AUTS2: variants seen among roughly 807,000 people sequenced by gnomAD.
AUTS2 encodes activator of transcription and developmental regulator AUTS2, also known as autism susceptibility gene 2 protein.
A neutral mutation model predicts 112.4 loss-of-function variants in AUTS2; 17 were observed. The ratio of observed to expected loss-of-function variants is 0.15; its 90% CI spans 0.10 to 0.23. The LOEUF (loss-of-function observed/expected upper bound fraction) is 0.23. Among genes scored for constraint, AUTS2 ranks in the 10% least tolerant of loss-of-function variants. The probability of loss-of-function intolerance (pLI) is 1.00; values close to 1 mark genes in which losing one functional copy is unlikely to be tolerated. For missense variants in AUTS2, 1,510 were observed against 1,701.6 expected (o/e 0.89, Z 1.98); for synonymous variants, 751 against 702.7 (o/e 1.07, Z -1.09).
chr7:70,372,993 G>A (rs1792910311), intron 4 of AUTS2, among the ~76,000 whole-genome samples: 1 of 152,146 alleles, frequency 6.6e-6, no homozygotes, highest in African/African-American at 2.4e-5. Context: ...TCACACCAGA[G>A]CAACCAGCTC....
At chr7:70,129,262 G>C (rs1015813767) in intron 3 of AUTS2, among the ~76,000 whole-genome samples, 2 of 152,172 alleles carry the variant, frequency 1.3e-5, no homozygotes, top group Non-Finnish European at 2.9e-5. Context: ...GCACAATAAA[G>C]AACTGATGTC....
chr7:69,780,678 A>G lies in AUTS2; in HGVS notation c.310-118608A>G, dbSNP rs958838711. Among the ~76,000 whole-genome samples, 12 of 152,326 alleles carry G rather than the reference A, an allele frequency of 7.9e-5. No homozygotes were observed. The South Asian group carries it at 2.3e-3, about 29-fold the overall frequency. On this transcript the variant is annotated intron_variant, in intron 1 of 18. Coordinates refer to ENST00000342771, the MANE Select transcript of AUTS2 (RefSeq NM_015570.4). ...ACAGGAACCTGAAAGGATGGTCTGT[A>G]TTAGAGTGTGGTGGTAGATAGAAGC...
In AUTS2 at chr7:70,421,507, A is replaced by T. The variant is rs1156992363; in HGVS notation, c.661-14245A>T. Among the ~76,000 whole-genome samples, 3 of 152,204 alleles carry T rather than the reference A, an allele frequency of 2.0e-5. No homozygotes were observed. The East Asian group carries it at 5.8e-4, about 29-fold the overall frequency. On this transcript the variant is annotated intron_variant, in intron 4 of 18. Coordinates refer to ENST00000342771, the MANE Select transcript of AUTS2 (RefSeq NM_015570.4). Reference sequence around the variant, plus strand: ...CCATGCAGCTCTGATTGCCTCTGTCACAGGGGTGTTGTGACTGAAGGCCAG... The same window carrying T: ...CCATGCAGCTCTGATTGCCTCTGTCTCAGGGGTGTTGTGACTGAAGGCCAG...
At position 70,242,285 on chromosome 7, in the gene AUTS2, G is replaced by A. The variant is rs890617839; in HGVS notation, c.660+107714G>A. 3.9e-5 allele frequency among the ~76,000 whole-genome samples: 6 copies of A among 152,104 alleles called. No homozygotes were observed. The East Asian group carries it at 5.8e-4, about 15-fold the overall frequency. On this transcript the variant is annotated intron_variant, in intron 4 of 18. Coordinates refer to ENST00000342771, the MANE Select transcript of AUTS2 (RefSeq NM_015570.4). ...ATCCCAAACCCCCAAAACAGGATTC[G>A]GATAAGTGACCATCCAGCCTGCACC... is the stretch of plus-strand genomic sequence containing the variant.
At chr7:70,659,572 A>C (rs553056775) in intron 5 of AUTS2, among the ~76,000 whole-genome samples, 2 of 152,096 alleles carry the variant, frequency 1.3e-5, no homozygotes. Context: ...CATTACACCT[A>C]TCTCCTAGAG....
intron 2 of AUTS2, among the ~76,000 whole-genome samples, chr7:69,995,139 A>G (rs1056207443): frequency 2.6e-5 from 4 of 152,150 alleles, no homozygotes; most frequent in East Asian, 3.9e-4. Context: ...GATGGATCAC[A>G]TGTTTTTTTC....
chr7:70,144,264 C>T (rs1430743429), intron 4 of AUTS2, among the ~76,000 whole-genome samples: 5 of 151,952 alleles, frequency 3.3e-5, no homozygotes, highest in South Asian at 4.2e-4. Context: ...GAAATTCAGG[C>T]GAAGTTAATA....
chr7:69,653,207 T>TA (rs1326939787), intron 1 of AUTS2, among the ~76,000 whole-genome samples: 3 of 152,220 alleles, frequency 2.0e-5, no homozygotes, highest in Non-Finnish European at 4.4e-5. Context: ...CTCTGCCTGT[T>TA]ACTCTTCTCA....
chr7:70,512,536 C>T (rs190180790), intron 5 of AUTS2, among the ~76,000 whole-genome samples: 7 of 152,188 alleles, frequency 4.6e-5, no homozygotes, highest in Non-Finnish European at 1.0e-4. Flanking sequence ...TTTTCCCTCC[C>T]GCTCCTCAGT....
At chr7:70,015,005 T>C (rs1000226562) in intron 2 of AUTS2, among the ~76,000 whole-genome samples, 1 of 152,260 alleles carries the variant, frequency 6.6e-6, no homozygotes, top group Non-Finnish European at 1.5e-5. Flanking sequence ...GCATAATGTT[T>C]CTTTTACATC....
At position 70,671,425 on chromosome 7, in the gene AUTS2, C is replaced by T. The variant is rs189954908; in HGVS notation, c.691-27144C>T. On this transcript the variant is annotated intron_variant, in intron 5 of 18. Coordinates refer to ENST00000342771, the MANE Select transcript of AUTS2 (RefSeq NM_015570.4). ...GCCCTAGCCCCTAGAATATCTTTCT[C>T]ACCTTGGGACTTGCTAAAATAGAAT... 8.7e-4 allele frequency among the ~76,000 whole-genome samples: 132 copies of T among 152,324 alleles called. 1 individual carries two copies. Among genetic ancestry groups the T allele is most frequent in the Middle Eastern group, 6.8e-3 (2 of 294 alleles).
chr7:70,065,401 A>G (rs893786216), intron 2 of AUTS2, among the ~76,000 whole-genome samples: 1 of 152,176 alleles, frequency 6.6e-6, no homozygotes, highest in Non-Finnish European at 1.5e-5. Flanking sequence ...TGTTTAAAAA[A>G]TTATTATTAT....
intron 4 of AUTS2, among the ~76,000 whole-genome samples, chr7:70,245,144 G>GTGTGTATATATATA (rs1233136341): frequency 3.7e-5 from 4 of 108,966 alleles, no homozygotes; most frequent in African/African-American, 1.7e-4. Context: ...GTGTGTGTGT[G>GTGTGTATATATATA]TATATATATA....
At chr7:70,335,684 A>T (rs1790956441) in intron 4 of AUTS2, among the ~76,000 whole-genome samples, 1 of 152,228 alleles carries the variant, frequency 6.6e-6, no homozygotes, top group Non-Finnish European at 1.5e-5. Context: ...GGACGTGGAG[A>T]TCTACGGAGA....
intron 2 of AUTS2, among the ~76,000 whole-genome samples, chr7:70,018,925 G>T (rs1220158596): frequency 3.3e-5 from 5 of 152,094 alleles, no homozygotes; most frequent in Non-Finnish European, 7.4e-5. Flanking sequence ...ATACCCAAAG[G>T]AATATAAATT....
In AUTS2 at chr7:70,081,965, T is replaced by TGTGTGCGCGC. The variant is rs1018968486; in HGVS notation, c.523-36166_523-36165insTGTGCGCGCG. Among the ~76,000 whole-genome samples the TGTGTGCGCGC allele has an allele frequency of 1.4e-3, 176 of 128,104 alleles. 1 individual carries two copies. The highest frequency in any genetic ancestry group is 8.7e-3 in the South Asian group (35 of 4,026). The allele number at this position is 128,104 out of a possible 152,430, so 84.0% of individuals were successfully genotyped here. A position where few individuals can be genotyped will look rare whatever the true frequency, so the allele number is the denominator to read the frequency against. On this transcript the variant is annotated intron_variant, in intron 2 of 18. Coordinates refer to ENST00000342771, the MANE Select transcript of AUTS2 (RefSeq NM_015570.4). ...GTGTGTGTGTGTGTGTGTGTGTGTG[T>TGTGTGCGCGC]GCGCGCGCCTGTGTGTGTGTTTAAA...
chr7:70,727,635 A>G (rs986450846), intron 6 of AUTS2, among the ~76,000 whole-genome samples: 2 of 152,222 alleles, frequency 1.3e-5, no homozygotes, highest in African/African-American at 4.8e-5. Context: ...GGCATGAACC[A>G]CTGTGCCAGG....
intron 4 of AUTS2, among the ~76,000 whole-genome samples, chr7:70,274,827 A>G (rs1032766146): frequency 2.6e-5 from 4 of 152,176 alleles, no homozygotes; most frequent in African/African-American, 2.4e-5. Flanking sequence ...GGAAAGTATT[A>G]TAGTGGTTCC....
chr7:70,168,986 C>T (rs1404397817), intron 4 of AUTS2, among the ~76,000 whole-genome samples: 1 of 152,022 alleles, frequency 6.6e-6, no homozygotes, highest in East Asian at 1.9e-4. Flanking sequence ...TCCTGGTAAG[C>T]TGTTGGAGAT....
Sources: gnomAD v4.1 joint callset for allele counts (sites outside exome capture counted in the v4.1 genomes callset) on GRCh38, gnomAD v4.1.1 for gene constraint, MANE v1.5 for transcripts, NCBI Gene and HGNC (gene_info 2026-07-23, HGNC 2026-07-21) for gene names.